The following PLCE1 variants were observed in gnomAD, a reference collection of about 807,000 sequenced individuals.
PLCE1 encodes phospholipase C epsilon 1.
A neutral mutation model predicts 242.8 loss-of-function variants in PLCE1; 119 were observed. The observed-to-expected ratio is 0.49, with a 90% confidence interval of 0.42 to 0.57. The LOEUF (loss-of-function observed/expected upper bound fraction) is 0.57, where lower values mean the gene tolerates loss of function less well. Ranked by LOEUF, PLCE1 falls within the 20% of genes least tolerant of loss-of-function variation. The pLI, the probability that PLCE1 is intolerant of heterozygous loss-of-function variation, is 0.00. For missense variants in PLCE1, 2,441 were observed against 2,788.8 expected (o/e 0.88, Z 2.81); for synonymous variants, 945 against 1,017.4 (o/e 0.93, Z 1.35).
intron 2 of PLCE1, among the ~76,000 whole-genome samples, chr10:94,055,510 G>A (rs1427206852): frequency 6.6e-6 from 1 of 152,002 alleles, no homozygotes; most frequent in Non-Finnish European, 1.5e-5. Flanking sequence ...TAGAGTCAGG[G>A]TTTCACCATG....
chr10:94,272,186 G>A (rs1196195054), intron 18 of PLCE1, among the ~76,000 whole-genome samples: 2 of 152,168 alleles, frequency 1.3e-5, no homozygotes, highest in Non-Finnish European at 2.9e-5. Flanking sequence ...GGAGACCAGG[G>A]CATGTCTCAG....
chr10:94,240,530 G>T (rs2050467504), intron 7 of PLCE1, among the ~76,000 whole-genome samples: 1 of 152,158 alleles, frequency 6.6e-6, no homozygotes, highest in Admixed American at 6.5e-5. Context: ...GCTGTGGCAA[G>T]TCCTTTGGAA....
chr10:94,113,736 G>C (rs866396266), intron 2 of PLCE1, among the ~76,000 whole-genome samples: 4 of 152,166 alleles, frequency 2.6e-5, no homozygotes, highest in Non-Finnish European at 5.9e-5. Flanking sequence ...GCAATGTGAC[G>C]ATGCGGGAAT....
At chr10:94,127,987 CTT>C (rs33916545) in intron 2 of PLCE1, among the ~76,000 whole-genome samples, 163 of 118,284 alleles carry the variant, frequency 1.4e-3, no homozygotes, top group African/African-American at 4.8e-3. Context: ...AATACCTTGA[CTT>C]TTTTTTTTTT....
At chr10:94,203,824 T>C (rs914808358) in intron 4 of PLCE1, among the ~76,000 whole-genome samples, 3 of 152,222 alleles carry the variant, frequency 2.0e-5, no homozygotes, top group African/African-American at 7.2e-5. Flanking sequence ...GAAAGCATGC[T>C]GAGTGAATAT....
At chr10:94,170,974 C>T (rs970103903) in intron 3 of PLCE1, among the ~76,000 whole-genome samples, 29 of 152,148 alleles carry the variant, frequency 1.9e-4, no homozygotes, top group African/African-American at 6.3e-4. Flanking sequence ...ACCACCGCCA[C>T]TCCACCCCCA....
At chr10:94,222,090 T>A (rs1392150997) in intron 4 of PLCE1, among the ~76,000 whole-genome samples, 1 of 151,990 alleles carries the variant, frequency 6.6e-6, no homozygotes, top group Non-Finnish European at 1.5e-5. Flanking sequence ...GCTGGAAATG[T>A]GGGAAAGATG....
In PLCE1 at chr10:94,332,505, C is replaced by CTGTGTGTGTGTGTGTGTGTGTGTGTGTG. The variant is rs10537252; in HGVS notation, c.*4578_*4605dup. ...ATATAGCCTCAGGATATGTGTGTGCCTGTGTGTGTGTGTGTGTGTGTGTGT... is the reference window on the plus strand; with the variant it reads ...ATATAGCCTCAGGATATGTGTGTGCCTGTGTGTGTGTGTGTGTGTGTGTGTGTGTGTGTGTGTGTGTGTGTGTGTGTGT... On this transcript the variant is annotated 3_prime_UTR_variant, in exon 33 of 33. Transcript: ENST00000371380. The CTGTGTGTGTGTGTGTGTGTGTGTGTGTG allele has an allele frequency of 6.9e-6, 1 of 145,694 alleles. No individual in the cohort carries two copies. Among genetic ancestry groups the CTGTGTGTGTGTGTGTGTGTGTGTGTGTG allele is most frequent in the Non-Finnish European group, 1.5e-5 (1 of 66,302 alleles). The allele number at this position is 145,694 out of a possible 1,614,324, so 9.0% of individuals were successfully genotyped here.
intron 4 of PLCE1, among the ~76,000 whole-genome samples, chr10:94,176,888 T>C (rs1418790828): frequency 6.6e-6 from 1 of 152,018 alleles, no homozygotes; most frequent in Non-Finnish European, 1.5e-5. Flanking sequence ...AAGAGCTCAT[T>C]CTGCTGAGCC....
chr10:94,057,291 A>G (rs1256550892), intron 2 of PLCE1, among the ~76,000 whole-genome samples: 1 of 152,138 alleles, frequency 6.6e-6, no homozygotes, highest in Non-Finnish European at 1.5e-5. Flanking sequence ...ATCTACCATA[A>G]TATCATGATT....
intron 3 of PLCE1, among the ~76,000 whole-genome samples, chr10:94,133,890 C>T (rs1299828185): frequency 6.6e-6 from 1 of 152,126 alleles, no homozygotes; most frequent in Non-Finnish European, 1.5e-5. Flanking sequence ...GTTTTCCCTA[C>T]ACACAAGACT....
intron 4 of PLCE1, among the ~76,000 whole-genome samples, chr10:94,179,530 T>TTGTTTTTTTTTTTTTGA (rs10636243): frequency 8.4e-6 from 1 of 118,826 alleles, no homozygotes; most frequent in Non-Finnish European, 1.7e-5. Flanking sequence ...TTTTTTTTTT[T>TTGTTTTTTTTTTTTTGA]GACAGGGTCT....
At chr10:94,238,503 A>G (rs752937512) in intron 7 of PLCE1, among the ~76,000 whole-genome samples, 1 of 152,204 alleles carries the variant, frequency 6.6e-6, no homozygotes, top group Admixed American at 6.5e-5. Flanking sequence ...TTTTGATTGT[A>G]GAGAGACTAA....
At chr10:94,237,099 G>C (rs928885456) in intron 7 of PLCE1, among the ~76,000 whole-genome samples, 1 of 152,184 alleles carries the variant, frequency 6.6e-6, no homozygotes, top group Non-Finnish European at 1.5e-5. Flanking sequence ...CACAGTATTT[G>C]TAAGAAAAAT....
chr10:94,118,774 C>T (rs1014823303), intron 2 of PLCE1, among the ~76,000 whole-genome samples: 1 of 152,132 alleles, frequency 6.6e-6, no homozygotes, highest in Non-Finnish European at 1.5e-5. Flanking sequence ...CGGACTAATA[C>T]GTATGCTCTT....
chr10:94,005,990 G>T (rs2061029734), intron 1 of PLCE1, among the ~76,000 whole-genome samples: 1 of 152,172 alleles, frequency 6.6e-6, no homozygotes, highest in Admixed American at 6.5e-5. Context: ...ATGTTGATAG[G>T]TTGTACAAAT....
chr10:94,281,579 G>T (rs1188376736), intron 20 of PLCE1, among the ~76,000 whole-genome samples: 1 of 152,134 alleles, frequency 6.6e-6, no homozygotes, highest in Non-Finnish European at 1.5e-5. Context: ...ACCACACCAG[G>T]CTCTGTTCCA....
intron 3 of PLCE1, among the ~76,000 whole-genome samples, chr10:94,150,140 A>G (rs1184678432): frequency 3.3e-5 from 5 of 152,230 alleles, no homozygotes; most frequent in Non-Finnish European, 5.9e-5. Context: ...ACCTCCGTGG[A>G]GGTCATATGG....
At chr10:94,259,562 C>A (rs1210825017) in intron 13 of PLCE1, among the ~76,000 whole-genome samples, 7 of 152,186 alleles carry the variant, frequency 4.6e-5, no homozygotes, top group Non-Finnish European at 1.0e-4. Flanking sequence ...AGTTTACAGG[C>A]ATGAGCCACC....
Sources: allele counts gnomAD v4.1 joint callset (sites outside exome capture counted in the v4.1 genomes callset), GRCh38; gene constraint gnomAD v4.1.1; transcripts MANE v1.5; gene names NCBI Gene and HGNC (gene_info 2026-07-23, HGNC 2026-07-21).